Variants in STPG1 observed in about 807,000 individuals in gnomAD.
STPG1 encodes O(6)-methylguanine-induced apoptosis 2.
A neutral mutation model predicts 40.1 loss-of-function variants in STPG1; 33 were observed. That is an observed-to-expected ratio of 0.82 (90% CI 0.62 to 1.10). STPG1 has a LOEUF of 1.10. Among genes scored for constraint, STPG1 ranks in the 50% least tolerant of loss-of-function variants. The probability of loss-of-function intolerance (pLI) is 0.00; values close to 1 mark genes in which losing one functional copy is unlikely to be tolerated. For missense variants in STPG1, 396 were observed against 415.1 expected (o/e 0.95, Z 0.40); for synonymous variants, 150 against 155.0 (o/e 0.97, Z 0.24).
chr1:24,412,802 T>C (rs1000704201), intron 1 of STPG1, among the ~76,000 whole-genome samples: 9 of 152,222 alleles, frequency 5.9e-5, no homozygotes, highest in African/African-American at 2.2e-4. Flanking sequence ...CTTTTAGCAA[T>C]TGTGTGTACA....
Position 24,369,694 on chromosome 1 carries a change from A to G in STPG1, c.717T>C (p.Val239=). 6.3e-7 allele frequency: 1 copy of G among 1,591,794 alleles called. No individual in the cohort carries two copies. Among genetic ancestry groups the G allele is most frequent in the Non-Finnish European group, 8.6e-7 (1 of 1,167,664 alleles). The part of the protein sequence containing the change: ...GYYNPSDCTK[V]PKKTLFPKNP... ...CTCACGGGAAAAGAGTCTTTTTTGG[A>G]ACTTTTGTGCAATCACTGGGGTTGT... Residue 239 remains valine, a synonymous_variant, in exon 7 of 9, where the codon GTT becomes GTC. Transcript: ENST00000337248.
At chr1:24,411,633 T>C (rs998091579) in intron 1 of STPG1, 5 of 152,112 alleles carry the variant, frequency 3.3e-5, no homozygotes, top group Non-Finnish European at 7.3e-5. Context: ...GTAAAGACAA[T>C]GTCTCACCTA....
intron 7 of STPG1, among the ~76,000 whole-genome samples, chr1:24,366,149 A>G (rs1052101118): frequency 1.3e-5 from 2 of 152,182 alleles, no homozygotes; most frequent in Non-Finnish European, 2.9e-5. Context: ...TGGGAAGCCC[A>G]TCAACTCCAA....
At chr1:24,404,981 G>A (rs1166828445) in intron 1 of STPG1, among the ~76,000 whole-genome samples, 1 of 152,076 alleles carries the variant, frequency 6.6e-6, no homozygotes, top group Non-Finnish European at 1.5e-5. Flanking sequence ...TTAGGTGGAA[G>A]CTTCAATAAT....
In STPG1 at chr1:24,396,792, C is replaced by T. The variant is rs985271464; in HGVS notation, c.70+4527G>A. On this transcript the variant is annotated intron_variant, in intron 2 of 8. Transcript: ENST00000337248. ...AAAGGTAAATAAAGAACAGATGGGA[C>T]GAATAGAAAGCAAGTCACAAGATGA... Among the ~76,000 whole-genome samples the T allele has an allele frequency of 5.3e-5, 8 of 151,870 alleles. No homozygotes were observed. In the South Asian group the frequency reaches 8.3e-4, roughly 16 times the overall value.
chr1:24,371,778 A>T (rs1007809532), intron 6 of STPG1, among the ~76,000 whole-genome samples: 2 of 152,250 alleles, frequency 1.3e-5, no homozygotes, highest in Admixed American at 1.3e-4. Flanking sequence ...AGCAAGGAAT[A>T]GAAGGCATTT....
At chr1:24,412,276 C>T (rs1643719467) in intron 1 of STPG1, among the ~76,000 whole-genome samples, 1 of 152,192 alleles carries the variant, frequency 6.6e-6, no homozygotes, top group Non-Finnish European at 1.5e-5. Context: ...CACATATCTC[C>T]TTGCTGCATG....
In STPG1 at chr1:24,364,049, G is replaced by A. The variant is rs530626185; in HGVS notation, c.738-3008C>T. ...TAATCTCCCATGTCCTGCTGCTTCC[G>A]TTTTACCTTCCAGAAACACCCAACA... On this transcript the variant is annotated intron_variant, in intron 7 of 8. Transcript: ENST00000337248. 167 of 1,309,212 alleles carry A rather than the reference G, an allele frequency of 1.3e-4. No individual in the cohort carries two copies. The African/African-American group carries it at 1.5e-3, about 12-fold the overall frequency. The allele number at this position is 1,309,212 out of a possible 1,614,324, so 81.1% of individuals were successfully genotyped here.
At chr1:24,364,315 T>C in intron 7 of STPG1, 2 of 1,549,804 alleles carry the variant, frequency 1.3e-6, no homozygotes, top group South Asian at 1.2e-5. Flanking sequence ...GGACCTGGAT[T>C]CAAATCCCAG....
Position 24,377,026 on chromosome 1 carries a change from C to T in STPG1, c.462+2627G>A, listed in dbSNP as rs149105900. 3.0e-4 allele frequency among the ~76,000 whole-genome samples: 46 copies of T among 151,686 alleles called. 1 individual carries two copies. The highest frequency in any genetic ancestry group is 1.1e-3 in the African/African-American group (46 of 41,340). On this transcript the variant is annotated intron_variant, in intron 5 of 8. Transcript: ENST00000337248. ...CTGTAATCCCAGCACTTTGGGAGGC[C>T]GAGGTGGATGGATTACGAGGTCAGG...
At chr1:24,412,269 A>T (rs1364772204) in intron 1 of STPG1, among the ~76,000 whole-genome samples, 1 of 152,146 alleles carries the variant, frequency 6.6e-6, no homozygotes, top group Non-Finnish European at 1.5e-5. Context: ...CTTTTGCCAC[A>T]TATCTCCTTG....
intron 3 of STPG1, among the ~76,000 whole-genome samples, chr1:24,385,034 C>G (rs1642446677): frequency 6.6e-6 from 1 of 152,144 alleles, no homozygotes; most frequent in Non-Finnish European, 1.5e-5. Flanking sequence ...AGTGGCAAAC[C>G]CCAGAGCTGA....
At position 24,399,096 on chromosome 1, in the gene STPG1, A is replaced by C. The variant is rs1221100208; in HGVS notation, c.70+2223T>G. Among the ~76,000 whole-genome samples the C allele has an allele frequency of 6.6e-6, 1 of 152,172 alleles. No homozygotes were observed. The highest frequency in any genetic ancestry group is 1.5e-5 in the Non-Finnish European group (1 of 68,010). ...TATTATGTATCCATAAAAATTAAAA[A>C]TAAAAAAGTAAAATAAATTTATATG... is the stretch of plus-strand genomic sequence containing the variant. On this transcript the variant is annotated intron_variant, in intron 2 of 8. Coordinates refer to ENST00000337248, the MANE Select transcript of STPG1 (RefSeq NM_001199013.2). The surrounding 1 kb of genome is among the most constrained non-coding windows in gnomAD (Gnocchi z 4.0).
At chr1:24,372,841 C>A (rs1423658495) in intron 6 of STPG1, among the ~76,000 whole-genome samples, 1 of 152,136 alleles carries the variant, frequency 6.6e-6, no homozygotes, top group Non-Finnish European at 1.5e-5. Context: ...AGCTCTGGTG[C>A]CCAGGGCTTC....
intron 4 of STPG1, among the ~76,000 whole-genome samples, chr1:24,380,568 C>T (rs7545048): frequency 0.043 from 6,560 of 152,172 alleles, 396 homozygotes; most frequent in African/African-American, 0.13. Context: ...GAGAACATTG[C>T]CCTGGATTTT....
rs1371321426 is a variant in STPG1 at position 24,399,866 on chromosome 1, T to C, written c.70+1453A>G. ...CAGGCAATGCAAATTAAAACTATTA[T>C]GAGCTTAAAATGTTGGTGAGGATTT... On this transcript the variant is annotated intron_variant, in intron 2 of 8. Transcript: ENST00000337248. The surrounding 1 kb of genome is among the most constrained non-coding windows in gnomAD (Gnocchi z 4.0). Among the ~76,000 whole-genome samples, 1 of 152,342 alleles carries C rather than the reference T, an allele frequency of 6.6e-6. No homozygotes were observed. Among genetic ancestry groups the C allele is most frequent in the Non-Finnish European group, 1.5e-5 (1 of 68,018 alleles).
chr1:24,381,059 A>G (rs895255200), intron 4 of STPG1, among the ~76,000 whole-genome samples: 2 of 152,120 alleles, frequency 1.3e-5, no homozygotes, highest in Non-Finnish European at 1.5e-5. Context: ...TCTTATGATT[A>G]TCTCTACTTT....
intron 2 of STPG1, among the ~76,000 whole-genome samples, chr1:24,398,618 C>A (rs1020820561): frequency 1.3e-5 from 2 of 152,104 alleles, no homozygotes; most frequent in South Asian, 4.2e-4. Context: ...TCTGTGGACA[C>A]CCTATAAGAG....
upstream of STPG1, chr1:24,414,091 T>A (rs1442246083): frequency 1.3e-5 from 2 of 152,248 alleles, no homozygotes; most frequent in Non-Finnish European, 2.9e-5. Flanking sequence ...TCGAGCAGGC[T>A]GTAGTGCAGT....
Sources: allele counts gnomAD v4.1 joint callset (sites outside exome capture counted in the v4.1 genomes callset), GRCh38; gene constraint gnomAD v4.1.1; non-coding constraint Gnocchi (gnomAD v3.1); transcripts MANE v1.5; gene names NCBI Gene and HGNC (gene_info 2026-07-23, HGNC 2026-07-21).